RIMS2: variants seen among roughly 807,000 people sequenced by gnomAD.
The protein encoded by RIMS2 is regulating synaptic membrane exocytosis protein 2.
Under a neutral mutation model 174.4 loss-of-function variants are expected in RIMS2, and 59 were observed. The ratio of observed to expected loss-of-function variants is 0.34; its 90% CI spans 0.27 to 0.42. RIMS2 has a LOEUF of 0.42. RIMS2 is among the 10% of genes least tolerant of loss of function. The pLI, the probability that RIMS2 is intolerant of heterozygous loss-of-function variation, is 1.00. For synonymous variants in RIMS2, 606 were observed against 572.5 expected (o/e 1.06, Z -0.84); for missense variants, 1,620 against 1,666.3 (o/e 0.97, Z 0.48).
chr8:103,813,611 T>C (rs943068763), intron 3 of RIMS2, among the ~76,000 whole-genome samples: 4 of 152,098 alleles, frequency 2.6e-5, no homozygotes, highest in African/African-American at 9.7e-5. Context: ...GTCCAAGTGC[T>C]CTCGTTGTTC....
At chr8:103,630,861 CA>C (rs1448835709) in intron 1 of RIMS2, among the ~76,000 whole-genome samples, 1 of 152,118 alleles carries the variant, frequency 6.6e-6, no homozygotes, top group Non-Finnish European at 1.5e-5. Context: ...TTCTAATGAG[CA>C]GTGAATTGAG....
chr8:103,783,897 G>A (rs2098416476), intron 3 of RIMS2, among the ~76,000 whole-genome samples: 1 of 152,088 alleles, frequency 6.6e-6, no homozygotes, highest in Non-Finnish European at 1.5e-5. Flanking sequence ...GTGTAAAAGT[G>A]TCCCTATTTC....
At chr8:103,888,419 C>G (rs1321797428) in intron 4 of RIMS2, among the ~76,000 whole-genome samples, 2 of 150,996 alleles carry the variant, frequency 1.3e-5, no homozygotes, top group Non-Finnish European at 3.0e-5. Context: ...GTAGTACTTC[C>G]TTAAGTATAT....
In RIMS2 at chr8:103,701,802, A is replaced by G. The variant is rs533153449; in HGVS notation, c.387+4506A>G. On this transcript the variant is annotated intron_variant, in intron 2 of 23. Transcript: ENST00000504942. Reference sequence around the variant, plus strand: ...AGGGCCGAATAATATTCCATTGTGTATATATACAACATTTTAGAATCCTTT... The same window carrying G: ...AGGGCCGAATAATATTCCATTGTGTGTATATACAACATTTTAGAATCCTTT... Among the ~76,000 whole-genome samples the G allele has an allele frequency of 3.3e-5, 5 of 152,230 alleles. No homozygotes were observed. The South Asian group carries it at 6.2e-4, about 19-fold the overall frequency.
At chr8:104,077,217 T>C (rs1329417984) in intron 19 of RIMS2, among the ~76,000 whole-genome samples, 1 of 152,072 alleles carries the variant, frequency 6.6e-6, no homozygotes, top group African/African-American at 2.4e-5. Context: ...GATATGATAA[T>C]GATGGTTGTG....
intron 3 of RIMS2, among the ~76,000 whole-genome samples, chr8:103,867,178 A>G (rs562543659): frequency 1.3e-5 from 2 of 152,104 alleles, no homozygotes; most frequent in Non-Finnish European, 2.9e-5. Flanking sequence ...AGGAGATGCT[A>G]GCCAGTTATA....
chr8:104,188,272 T>TA (rs59938033), intron 19 of RIMS2, among the ~76,000 whole-genome samples: 36,717 of 107,392 alleles, frequency 0.34, 5,050 homozygotes, highest in East Asian at 0.47. Flanking sequence ...GATAGATAGA[T>TA]GGATGAAGTA....
chr8:104,110,693 C>G (rs370586077), intron 19 of RIMS2, among the ~76,000 whole-genome samples: 4 of 152,172 alleles, frequency 2.6e-5, no homozygotes, highest in African/African-American at 9.6e-5. Context: ...TCTTTTAAAT[C>G]AGTGCTTTTC....
chr8:103,682,676 G>A (rs1490522418), intron 1 of RIMS2, among the ~76,000 whole-genome samples: 1 of 152,092 alleles, frequency 6.6e-6, no homozygotes, highest in East Asian at 1.9e-4. Context: ...TTGTCTAGCA[G>A]TGTCTCATTT....
At chr8:103,687,596 G>A (rs1470015123) in intron 1 of RIMS2, among the ~76,000 whole-genome samples, 1 of 151,974 alleles carries the variant, frequency 6.6e-6, no homozygotes, top group Non-Finnish European at 1.5e-5. Context: ...TAGACATCAT[G>A]TTGTACAATA....
chr8:103,583,251 A>C (rs938519332), intron 1 of RIMS2, among the ~76,000 whole-genome samples: 1 of 152,226 alleles, frequency 6.6e-6, no homozygotes. Flanking sequence ...TCTAAAACAG[A>C]TAAAGCTTAG....
chr8:103,948,334 A>T (rs1405628653), intron 14 of RIMS2, among the ~76,000 whole-genome samples: 1 of 152,232 alleles, frequency 6.6e-6, no homozygotes, highest in Non-Finnish European at 1.5e-5. Flanking sequence ...TTCACCTTCA[A>T]GAGAAATGAA....
At chr8:103,596,190 C>A (rs1328996623) in intron 1 of RIMS2, among the ~76,000 whole-genome samples, 3 of 151,914 alleles carry the variant, frequency 2.0e-5, no homozygotes, top group Non-Finnish European at 4.4e-5. Flanking sequence ...AAGATATTAT[C>A]AGTGCTATAT....
At chr8:103,570,665 T>C (rs2092738774) in intron 1 of RIMS2, among the ~76,000 whole-genome samples, 1 of 152,180 alleles carries the variant, frequency 6.6e-6, no homozygotes, top group South Asian at 2.1e-4. Flanking sequence ...ATGATAGGTA[T>C]CAATAAATTA....
chr8:103,927,947 T>C, intron 11 of RIMS2: 1 of 1,431,254 alleles, frequency 7.0e-7, no homozygotes, highest in South Asian at 1.3e-5. Context: ...ATTTGTATGT[T>C]TTTGGAAAAT....
At chr8:104,132,526 T>C (rs1280621550) in intron 19 of RIMS2, among the ~76,000 whole-genome samples, 1 of 152,228 alleles carries the variant, frequency 6.6e-6, no homozygotes, top group East Asian at 1.9e-4. Context: ...TCCAACCTTT[T>C]TTCTGACCTG....
intron 19 of RIMS2, among the ~76,000 whole-genome samples, chr8:104,243,689 A>C (rs994457223): frequency 6.6e-6 from 1 of 152,214 alleles, no homozygotes; most frequent in African/African-American, 2.4e-5. Context: ...TTGTCTCAAA[A>C]AAAAAGAACT....
At chr8:103,863,707 T>A (rs1054555455) in intron 3 of RIMS2, among the ~76,000 whole-genome samples, 1 of 152,106 alleles carries the variant, frequency 6.6e-6, no homozygotes, top group Non-Finnish European at 1.5e-5. Flanking sequence ...TCCTAGGTTT[T>A]GTGGTTTGTA....
intron 1 of RIMS2, among the ~76,000 whole-genome samples, chr8:103,680,598 A>C (rs1006410353): frequency 5.3e-5 from 8 of 152,012 alleles, no homozygotes; most frequent in African/African-American, 1.9e-4. Flanking sequence ...TAACAGACTG[A>C]GAGAAGAAAT....
Sources: allele counts gnomAD v4.1 joint callset (sites outside exome capture counted in the v4.1 genomes callset), GRCh38; gene constraint gnomAD v4.1.1; transcripts MANE v1.5; gene names NCBI Gene and HGNC (gene_info 2026-07-23, HGNC 2026-07-21).